The following CACNA2D2 variants were observed in gnomAD, a reference collection of about 807,000 sequenced individuals.
CACNA2D2 encodes the protein calcium voltage-gated channel auxiliary subunit alpha2delta 2, also known as voltage-dependent calcium channel subunit alpha-2/delta-2.
In CACNA2D2, 48 loss-of-function variants were observed where a neutral mutation model predicts 166.4. The observed-to-expected ratio is 0.29, with a 90% confidence interval of 0.23 to 0.37. CACNA2D2 has a LOEUF of 0.37. Ranked by LOEUF, CACNA2D2 falls within the 10% of genes least tolerant of loss-of-function variation. The pLI is 1.00. For missense variants in CACNA2D2, 1,122 were observed against 1,433.0 expected (o/e 0.78, Z 3.50); for synonymous variants, 561 against 573.7 (o/e 0.98, Z 0.32).
intron 1 of CACNA2D2, among the ~76,000 whole-genome samples, chr3:50,493,628 G>A (rs1698605871): frequency 6.6e-6 from 1 of 152,166 alleles, no homozygotes; most frequent in African/African-American, 2.4e-5. Context: ...CCACCATGAG[G>A]AAAACCCACC....
chr3:50,470,776 G>A (rs908856428), intron 2 of CACNA2D2, among the ~76,000 whole-genome samples: 8 of 151,888 alleles, frequency 5.3e-5, no homozygotes, highest in Admixed American at 6.6e-5. Flanking sequence ...AGAGCAGGCC[G>A]GGTTGGGGGG....
intron 2 of CACNA2D2, among the ~76,000 whole-genome samples, chr3:50,453,469 C>T (rs1295164947): frequency 6.6e-6 from 1 of 152,206 alleles, no homozygotes; most frequent in Non-Finnish European, 1.5e-5. Context: ...AACCCTGTCA[C>T]GGGGGTGGCT....
At position 50,375,505 on chromosome 3, in the gene CACNA2D2, C is replaced by A; in HGVS notation, c.1907+139G>T. 1 of 823,068 alleles carries A rather than the reference C, an allele frequency of 1.2e-6. No homozygotes were observed. Among genetic ancestry groups the A allele is most frequent in the South Asian group, 1.6e-5 (1 of 60,762 alleles). 51.0% of individuals were successfully genotyped at this position (823,068 alleles called of 1,614,324 possible). ...GGGAGTCTCTTGGCAGACTAAGCAT[C>A]TCAGGGTGAGTAGTGAGCAGCCCTG... On this transcript the variant is annotated intron_variant, in intron 21 of 37. Transcript: ENST00000424201. This position sits in a 1 kb window ranked among gnomAD's most constrained non-coding sequence, Gnocchi z 4.0.
rs1704143496 is a variant in CACNA2D2, at chr3:50,364,898, T to C, written c.3281A>G (p.Tyr1094Cys). The C allele has an allele frequency of 6.2e-7, 1 of 1,613,378 alleles. No individual in the cohort carries two copies. The highest frequency in any genetic ancestry group is 1.3e-5 in the African/African-American group (1 of 75,010). The change falls in exon 37 of 38, where the codon TAC becomes TGC. Residue 1094 changes from tyrosine (Y) to cysteine (C), a missense_variant. Around this residue, in one of 2 missense-constraint regions of CACNA2D2, gnomAD observed 282 missense variants for 266.2 expected, o/e 1.06. Transcript: ENST00000424201. ...GCCCCCTCTCCTCACTGTCGCGTTG[T>C]AGTCGAAGCAGATGTGCGGGCCTCT... ...YRRGPHICFDYNATEDTSDCG... is the reference protein window; with the variant it reads ...YRRGPHICFDCNATEDTSDCG...
At chr3:50,451,400 A>G (rs1709096893) in intron 2 of CACNA2D2, among the ~76,000 whole-genome samples, 1 of 151,856 alleles carries the variant, frequency 6.6e-6, no homozygotes, top group East Asian at 1.9e-4. Context: ...TGCTGGGATT[A>G]CAGGCATGAG....
intron 3 of CACNA2D2, chr3:50,416,305 G>A (rs1707260581): frequency 2.0e-5 from 3 of 152,494 alleles, no homozygotes; most frequent in Admixed American, 6.5e-5. Context: ...GCAGCGTGAG[G>A]GGAGAGATTC....
chr3:50,452,591 G>A (rs1356919412), intron 2 of CACNA2D2, among the ~76,000 whole-genome samples: 1 of 152,224 alleles, frequency 6.6e-6, no homozygotes, highest in Non-Finnish European at 1.5e-5. Context: ...AAGAACTATG[G>A]AATGGGATGG....
intron 2 of CACNA2D2, among the ~76,000 whole-genome samples, chr3:50,453,747 C>CG (rs1373628419): frequency 6.6e-6 from 1 of 152,092 alleles, no homozygotes; most frequent in Non-Finnish European, 1.5e-5. Context: ...CTTGGCGAGA[C>CG]GGGAATGGAC....
At chr3:50,446,020 C>T (rs1012521816) in intron 2 of CACNA2D2, among the ~76,000 whole-genome samples, 2 of 152,244 alleles carry the variant, frequency 1.3e-5, no homozygotes, top group South Asian at 2.1e-4. Context: ...TTCCCGCATC[C>T]GTGCACAGTG....
At chr3:50,411,648 G>A (rs763745672) in intron 3 of CACNA2D2, among the ~76,000 whole-genome samples, 3 of 152,234 alleles carry the variant, frequency 2.0e-5, no homozygotes, top group Non-Finnish European at 2.9e-5. Context: ...TCAGAAGGAG[G>A]AAGCTCAAAA....
chr3:50,445,752 G>A (rs1708814771), intron 2 of CACNA2D2, among the ~76,000 whole-genome samples: 1 of 152,108 alleles, frequency 6.6e-6, no homozygotes, highest in Non-Finnish European at 1.5e-5. Flanking sequence ...AGCCTATCCT[G>A]GGCTCTCACA....
chr3:50,430,827 T>C (rs561009302), intron 3 of CACNA2D2, among the ~76,000 whole-genome samples: 1 of 152,012 alleles, frequency 6.6e-6, no homozygotes, highest in African/African-American at 2.4e-5. Flanking sequence ...TCTCCCTAGG[T>C]AGTCAAAGTT....
At position 50,379,695 on chromosome 3, in the gene CACNA2D2, T is replaced by C; in HGVS notation, c.993+30A>G. ...GGAGCAGGGCAGATGGGGTGACCCA[T>C]TTCACCCCGTCTGCCACCTTGGCAC... On this transcript the variant is annotated intron_variant, in intron 10 of 37. Coordinates refer to ENST00000424201, the MANE Select transcript of CACNA2D2 (RefSeq NM_006030.4). The surrounding 1 kb of genome is among the most constrained non-coding windows in gnomAD (Gnocchi z 6.5). 6.2e-7 allele frequency: 1 copy of C among 1,609,724 alleles called. No homozygotes were observed. Among genetic ancestry groups the C allele is most frequent in the South Asian group, 1.1e-5 (1 of 90,992 alleles).
intron 3 of CACNA2D2, among the ~76,000 whole-genome samples, chr3:50,412,926 C>T (rs1407106221): frequency 2.0e-5 from 3 of 152,178 alleles, no homozygotes; most frequent in Non-Finnish European, 4.4e-5. Context: ...CCCTGGTCTC[C>T]CGGTGCCCTC....
At chr3:50,412,537 G>A (rs1559923657) in intron 3 of CACNA2D2, among the ~76,000 whole-genome samples, 1 of 147,640 alleles carries the variant, frequency 6.8e-6, no homozygotes, top group Non-Finnish European at 1.5e-5. Context: ...CCAAAGCCAT[G>A]GGCACTCAAC....
At chr3:50,381,981 T>TACACAC (rs34662551) in intron 6 of CACNA2D2, among the ~76,000 whole-genome samples, 5,709 of 133,370 alleles carry the variant, frequency 0.043, 232 homozygotes, top group African/African-American at 0.11. Flanking sequence ...GATCTATCCC[T>TACACAC]ACACACACAC....
rs146234163 is a variant in CACNA2D2 at position 50,365,576 on chromosome 3, G to C, written c.2971+57C>G. The C allele has an allele frequency of 2.5e-6, 4 of 1,578,676 alleles. No homozygotes were observed. The highest frequency in any genetic ancestry group is 3.4e-6 in the Non-Finnish European group (4 of 1,161,656). On this transcript the variant is annotated intron_variant, in intron 34 of 37. Transcript: ENST00000424201. This position sits in a 1 kb window ranked among gnomAD's most constrained non-coding sequence, Gnocchi z 4.5. ...TAGACCCCACCCTCCCCATGGAGTC[G>C]TCTTAGCTCAGATTGGGGACCCGGA...
rs1464471265 is a variant in CACNA2D2, at chr3:50,375,904, G to C, written c.1774-24C>G. 6.2e-7 allele frequency: 1 copy of C among 1,612,858 alleles called. No individual in the cohort carries two copies. The highest frequency in any genetic ancestry group is 2.2e-5 in the East Asian group (1 of 44,854). ...ATCTGGAAGGGCCAGAGATGTGAGG[G>C]GCAGGGCCCCTACACTCCTCTGCTC... On this transcript the variant is annotated intron_variant, in intron 19 of 37. Coordinates refer to ENST00000424201, the MANE Select transcript of CACNA2D2 (RefSeq NM_006030.4). This position sits in a 1 kb window ranked among gnomAD's most constrained non-coding sequence, Gnocchi z 4.0.
intron 22 of CACNA2D2, among the ~76,000 whole-genome samples, chr3:50,373,709 G>C (rs1041856651): frequency 7.1e-6 from 1 of 140,108 alleles, no homozygotes; most frequent in African/African-American, 2.7e-5. Flanking sequence ...GGAGATAGAG[G>C]AGATGCAGGG....
Sources: allele counts gnomAD v4.1 joint callset (sites outside exome capture counted in the v4.1 genomes callset), GRCh38; gene constraint gnomAD v4.1.1; regional missense constraint gnomAD v4.1.1; non-coding constraint Gnocchi (gnomAD v3.1); transcripts MANE v1.5; gene names NCBI Gene and HGNC (gene_info 2026-07-23, HGNC 2026-07-21).